SLC24A2: variants seen among roughly 807,000 people sequenced by gnomAD.
SLC24A2 encodes sodium/potassium/calcium exchanger 2.
A neutral mutation model predicts 62.0 loss-of-function variants in SLC24A2; 36 were observed. That is an observed-to-expected ratio of 0.58 (90% CI 0.44 to 0.77). The LOEUF (loss-of-function observed/expected upper bound fraction) is 0.77, where lower values mean the gene tolerates loss of function less well. Ranked by LOEUF, SLC24A2 falls within the 30% of genes least tolerant of loss-of-function variation. SLC24A2 has a pLI of 0.00. For missense variants in SLC24A2, 846 were observed against 817.9 expected (o/e 1.03, Z -0.42); for synonymous variants, 358 against 294.0 (o/e 1.22, Z -2.23).
At chr9:19,904,097 A>G in the SLC24A2 span, among the ~76,000 whole-genome samples, 1 of 152,194 alleles carries the variant, frequency 6.6e-6, no homozygotes, top group Non-Finnish European at 1.5e-5. Context: ...AAGACCTGCC[A>G]GGACCTGTAT....
At chr9:19,832,771 C>G in the SLC24A2 span, among the ~76,000 whole-genome samples, 1 of 152,074 alleles carries the variant, frequency 6.6e-6, no homozygotes, top group African/African-American at 2.4e-5. Context: ...AGCTTCTGCA[C>G]AGAAAAGAAA....
intron 2 of SLC24A2, among the ~76,000 whole-genome samples, chr9:19,680,306 C>T (rs888388006): frequency 1.4e-4 from 21 of 152,108 alleles, no homozygotes; most frequent in Admixed American, 2.6e-4. Flanking sequence ...TCAGGTAGAA[C>T]TCACAGTCTA....
At chr9:20,121,961 C>T in the SLC24A2 span, among the ~76,000 whole-genome samples, 1 of 152,106 alleles carries the variant, frequency 6.6e-6, no homozygotes, top group East Asian at 1.9e-4. Context: ...AGATTGCTTG[C>T]TAACAAAAAC....
Position 19,599,425 on chromosome 9 carries a change from G to A in SLC24A2, c.1079-2146C>T, listed in dbSNP as rs142109277. ...AGTGAAAAGCTGAATAACAGCAGGT[G>A]TTGTGGCAACTCAAGGCGCACTGAG... On this transcript the variant is annotated intron_variant, in intron 4 of 10. Coordinates refer to ENST00000341998, the MANE Select transcript of SLC24A2 (RefSeq NM_020344.4). This position sits in a 1 kb window ranked among gnomAD's most constrained non-coding sequence, Gnocchi z 4.5. 6.6e-6 allele frequency among the ~76,000 whole-genome samples: 1 copy of A among 152,308 alleles called. No individual in the cohort carries two copies. Among genetic ancestry groups the A allele is most frequent in the Admixed American group, 6.5e-5 (1 of 15,294 alleles).
At chr9:19,546,903 G>A (rs534462070) in intron 8 of SLC24A2, among the ~76,000 whole-genome samples, 13 of 152,292 alleles carry the variant, frequency 8.5e-5, no homozygotes, top group South Asian at 2.1e-4. Flanking sequence ...GTTCCTCATG[G>A]CACAGTCCCT....
intron 2 of SLC24A2, among the ~76,000 whole-genome samples, chr9:19,718,627 A>G (rs544551636): frequency 6.6e-6 from 1 of 152,130 alleles, no homozygotes; most frequent in African/African-American, 2.4e-5. Context: ...ACACTCTTAT[A>G]GCATCACACG....
chr9:20,078,943 T>G, the SLC24A2 span, among the ~76,000 whole-genome samples: 420 of 152,340 alleles, frequency 2.8e-3, 4 homozygotes, highest in East Asian at 0.025. Flanking sequence ...ACTAGTAACT[T>G]TTTGTAGTGG....
At chr9:19,557,376 T>C (rs931850990) in intron 7 of SLC24A2, among the ~76,000 whole-genome samples, 2 of 152,098 alleles carry the variant, frequency 1.3e-5, no homozygotes, top group African/African-American at 2.4e-5. Context: ...CCTGGGGGTG[T>C]TTTACAAAGC....
chr9:20,224,753 G>C, the SLC24A2 span, among the ~76,000 whole-genome samples: 1 of 152,064 alleles, frequency 6.6e-6, no homozygotes, highest in African/African-American at 2.4e-5. Flanking sequence ...TCACCAGTTG[G>C]AAGGTGTAGT....
At chr9:20,281,396 C>G in the SLC24A2 span, among the ~76,000 whole-genome samples, 2 of 152,122 alleles carry the variant, frequency 1.3e-5, no homozygotes, top group Non-Finnish European at 2.9e-5. Context: ...ATTTTCACAA[C>G]TGAACACAAT....
intron 5 of SLC24A2, among the ~76,000 whole-genome samples, chr9:19,584,150 C>G (rs1028412420): frequency 5.9e-5 from 9 of 151,970 alleles, no homozygotes; most frequent in Admixed American, 5.9e-4. Context: ...GTCCTATAAT[C>G]ATGCCTCACC....
chr9:20,103,354 C>G, the SLC24A2 span, among the ~76,000 whole-genome samples: 393 of 152,338 alleles, frequency 2.6e-3, 3 homozygotes, highest in Middle Eastern at 0.014. Context: ...ATGGTTCTCC[C>G]AGCATGCAGC....
chr9:20,072,517 G>C, the SLC24A2 span, among the ~76,000 whole-genome samples: 1 of 151,868 alleles, frequency 6.6e-6, no homozygotes, highest in South Asian at 2.1e-4. Flanking sequence ...GTTATATAGC[G>C]ATCTATATAA....
the SLC24A2 span, among the ~76,000 whole-genome samples, chr9:20,083,338 A>G: frequency 8.0e-5 from 12 of 150,068 alleles, no homozygotes; most frequent in Non-Finnish European, 1.3e-4. Context: ...AACTGACCAA[A>G]TGAGCAAATG....
intron 10 of SLC24A2, among the ~76,000 whole-genome samples, chr9:19,519,474 G>A (rs1236158196): frequency 6.6e-6 from 1 of 151,958 alleles, no homozygotes; most frequent in African/African-American, 2.4e-5. Context: ...GATTGACCAA[G>A]AACTCTACCA....
chr9:19,916,095 G>A, the SLC24A2 span, among the ~76,000 whole-genome samples: 1 of 151,978 alleles, frequency 6.6e-6, no homozygotes, highest in African/African-American at 2.4e-5. Flanking sequence ...AATGGTGTGA[G>A]GTAGAGGTCC....
chr9:20,188,903 T>G, the SLC24A2 span, among the ~76,000 whole-genome samples: 2 of 152,172 alleles, frequency 1.3e-5, no homozygotes, highest in Non-Finnish European at 2.9e-5. Flanking sequence ...GCTACCAAAT[T>G]TGTAGTAATT....
the SLC24A2 span, among the ~76,000 whole-genome samples, chr9:20,162,339 G>C: frequency 6.6e-6 from 1 of 151,566 alleles, no homozygotes; most frequent in Admixed American, 6.6e-5. Context: ...AAAATGCCTA[G>C]GCATAAATTT....
chr9:19,545,998 C>G lies in SLC24A2; in HGVS notation c.1479+4139G>C, dbSNP rs575970039. Among the ~76,000 whole-genome samples the G allele has an allele frequency of 4.6e-5, 7 of 152,336 alleles. No individual in the cohort carries two copies. The East Asian group carries it at 1.4e-3, about 29-fold the overall frequency. On this transcript the variant is annotated intron_variant, in intron 8 of 10. Coordinates refer to ENST00000341998, the MANE Select transcript of SLC24A2 (RefSeq NM_020344.4). ...TGTTGGAGTTTGCTGGAGGTCCACTCCAGACCCTGTTTGCCTGGATATCAC... is the reference window on the plus strand; with the variant it reads ...TGTTGGAGTTTGCTGGAGGTCCACTGCAGACCCTGTTTGCCTGGATATCAC...
Sources: gnomAD v4.1 joint callset for allele counts (sites outside exome capture counted in the v4.1 genomes callset) on GRCh38, gnomAD v4.1.1 for gene constraint, Gnocchi (gnomAD v3.1) non-coding constraint, MANE v1.5 for transcripts, NCBI Gene and HGNC (gene_info 2026-07-23, HGNC 2026-07-21) for gene names.